Variants in EPB41L3 observed in about 807,000 individuals in gnomAD.
The protein encoded by EPB41L3 is erythrocyte membrane protein band 4.1 like 3, also known as band 4.1-like protein 3.
EPB41L3 carries 57 observed loss-of-function variants against 127.1 expected under a neutral mutation model. The ratio of observed to expected loss-of-function variants is 0.45; its 90% CI spans 0.36 to 0.56. The LOEUF (loss-of-function observed/expected upper bound fraction) is 0.56, where lower values mean the gene tolerates loss of function less well. Among genes scored for constraint, EPB41L3 ranks in the 20% least tolerant of loss-of-function variants. EPB41L3 has a pLI of 0.00. For synonymous variants in EPB41L3, 572 were observed against 549.5 expected (o/e 1.04, Z -0.57); for missense variants, 1,273 against 1,372.2 (o/e 0.93, Z 1.14).
chr18:5,510,065 A>G (rs2092436043), intron 1 of EPB41L3, among the ~76,000 whole-genome samples: 1 of 152,224 alleles, frequency 6.6e-6, no homozygotes, highest in Admixed American at 6.5e-5. Flanking sequence ...CGTACCTCTG[A>G]GAAAGAGCTT....
chr18:5,566,908 C>A (rs2094214829), intron 3 of EPB41L3, among the ~76,000 whole-genome samples: 1 of 151,966 alleles, frequency 6.6e-6, no homozygotes, highest in Non-Finnish European at 1.5e-5. Context: ...CGGGTTCAAG[C>A]AATTCTCCTG....
At chr18:5,482,176 A>C (rs2088692374) in intron 2 of EPB41L3, among the ~76,000 whole-genome samples, 1 of 152,244 alleles carries the variant, frequency 6.6e-6, no homozygotes, top group Non-Finnish European at 1.5e-5. Context: ...AAATACTTTT[A>C]AGAAATCAAA....
upstream of EPB41L3, among the ~76,000 whole-genome samples, chr18:5,629,715 A>C (rs1277012408): frequency 6.6e-6 from 1 of 152,048 alleles, no homozygotes; most frequent in Non-Finnish European, 1.5e-5. Context: ...CACTAGAGAG[A>C]GAGCCCGCGC....
At chr18:5,470,035 C>T (rs2085825904) in intron 3 of EPB41L3, among the ~76,000 whole-genome samples, 1 of 152,118 alleles carries the variant, frequency 6.6e-6, no homozygotes, top group Non-Finnish European at 1.5e-5. Context: ...GCCTTGGCCT[C>T]CCAAAGTGCT....
At chr18:5,443,973 G>C in intron 4 of EPB41L3, 93 bp from the exon 5 acceptor site, 1 of 1,070,858 alleles carries the variant, frequency 9.3e-7, no homozygotes, top group Non-Finnish European at 1.4e-6. Context: ...ATGCAGTGCG[G>C]AGTTAGTGGT....
At chr18:5,475,007 T>C (rs1174798126) in intron 3 of EPB41L3, among the ~76,000 whole-genome samples, 1 of 152,234 alleles carries the variant, frequency 6.6e-6, no homozygotes, top group Non-Finnish European at 1.5e-5. Context: ...TTTCTTTTTA[T>C]ACATAAAAGT....
intron 4 of EPB41L3, among the ~76,000 whole-genome samples, chr18:5,444,420 A>G (rs2081203508): frequency 6.6e-6 from 1 of 152,206 alleles, no homozygotes; most frequent in African/African-American, 2.4e-5. Flanking sequence ...GGTATTAAGG[A>G]TGATTTATGG....
At chr18:5,581,065 A>G (rs959794171) in intron 3 of EPB41L3, among the ~76,000 whole-genome samples, 2 of 152,202 alleles carry the variant, frequency 1.3e-5, no homozygotes, top group African/African-American at 4.8e-5. Context: ...AGGAAGCTTA[A>G]TAGCCAATAT....
At chr18:5,485,153 G>C (rs2089511328) in intron 2 of EPB41L3, among the ~76,000 whole-genome samples, 1 of 151,952 alleles carries the variant, frequency 6.6e-6, no homozygotes, top group Non-Finnish European at 1.5e-5. Context: ...CATTCACCAT[G>C]ATTAAATGTG....
At chr18:5,574,380 GT>G (rs5822863) in intron 3 of EPB41L3, among the ~76,000 whole-genome samples, 51,898 of 142,382 alleles carry the variant, frequency 0.36, 9,920 homozygotes, top group Non-Finnish European at 0.45. Context: ...GCTAGAATCA[GT>G]TTTTTTTTTT....
At chr18:5,503,163 T>C (rs961175611) in intron 1 of EPB41L3, among the ~76,000 whole-genome samples, 5 of 152,216 alleles carry the variant, frequency 3.3e-5, no homozygotes, top group Admixed American at 1.3e-4. Context: ...TTTTTTAAAA[T>C]ACTCTTTTGG....
intron 3 of EPB41L3, among the ~76,000 whole-genome samples, chr18:5,465,536 A>G (rs903024132): frequency 6.6e-6 from 1 of 152,168 alleles, no homozygotes; most frequent in Non-Finnish European, 1.5e-5. Flanking sequence ...TTATATTCCT[A>G]AAGACAAAGG....
At chr18:5,535,434 C>T (rs986637752) in intron 1 of EPB41L3, among the ~76,000 whole-genome samples, 2 of 152,312 alleles carry the variant, frequency 1.3e-5, no homozygotes, top group East Asian at 3.8e-4. Flanking sequence ...TTATACTTAG[C>T]CAGTAAGCAT....
chr18:5,598,698 T>C (rs1245602658), intron 3 of EPB41L3, among the ~76,000 whole-genome samples: 1 of 152,220 alleles, frequency 6.6e-6, no homozygotes, highest in East Asian at 1.9e-4. Context: ...AGGAAGGCTC[T>C]CATTGCTGGA....
chr18:5,629,298 G>C (rs1285344738), upstream of EPB41L3, among the ~76,000 whole-genome samples: 2 of 152,066 alleles, frequency 1.3e-5, no homozygotes, highest in South Asian at 2.1e-4. Flanking sequence ...AGTTGCCGGG[G>C]TGCAGCTGCG....
intron 3 of EPB41L3, among the ~76,000 whole-genome samples, chr18:5,586,198 TG>T (rs1158078205): frequency 2.6e-5 from 4 of 152,188 alleles, no homozygotes; most frequent in Non-Finnish European, 5.9e-5. Flanking sequence ...TAGTAAAATT[TG>T]TTCCTTACTT....
At chr18:5,393,593 C>T in intron 22 of EPB41L3, 115 bp from the exon 23 acceptor site, 1 of 637,580 alleles carries the variant, frequency 1.6e-6, no homozygotes, top group Non-Finnish European at 2.8e-6. Context: ...GACAAGATGC[C>T]ATGACATTCC....
At chr18:5,419,974 A>T in intron 11 of EPB41L3, 97 bp from the exon 12 acceptor site, 1 of 1,597,866 alleles carries the variant, frequency 6.3e-7, no homozygotes, top group East Asian at 2.2e-5. Flanking sequence ...CAAAATAGTT[A>T]GGTCAGAAGA....
chr18:5,585,462 C>T (rs928224299), intron 3 of EPB41L3, among the ~76,000 whole-genome samples: 34 of 152,204 alleles, frequency 2.2e-4, no homozygotes, highest in African/African-American at 7.9e-4. Flanking sequence ...CACCATCATG[C>T]CTGGCTAATT....
Sources: gnomAD v4.1 joint callset for allele counts (sites outside exome capture counted in the v4.1 genomes callset) on GRCh38, gnomAD v4.1.1 for gene constraint, MANE v1.5 for transcripts, NCBI Gene and HGNC (gene_info 2026-07-23, HGNC 2026-07-21) for gene names.